KANSL2: variants seen among roughly 807,000 people sequenced by gnomAD.
The protein encoded by KANSL2 is KAT8 regulatory NSL complex subunit 2.
Under a neutral mutation model 55.6 loss-of-function variants are expected in KANSL2, and 34 were observed. That is an observed-to-expected ratio of 0.61 (90% CI 0.46 to 0.81). The LOEUF (loss-of-function observed/expected upper bound fraction) is 0.81. Among genes scored for constraint, KANSL2 ranks in the 40% least tolerant of loss-of-function variants. The probability of loss-of-function intolerance (pLI) is 0.00; values close to 1 mark genes in which losing one functional copy is unlikely to be tolerated. For synonymous variants in KANSL2, 209 were observed against 214.3 expected, an observed-to-expected ratio of 0.98 and a Z score of 0.22; for missense variants, 502 against 609.9, an observed-to-expected ratio of 0.82 and a Z score of 1.86.
intron 6 of KANSL2, among the ~76,000 whole-genome samples, chr12:48,668,582 C>T (rs1939645231): frequency 6.6e-6 from 1 of 152,138 alleles, no homozygotes. Flanking sequence ...GCCTGTAATC[C>T]TAGCTACTCA....
At chr12:48,669,040 T>C in intron 6 of KANSL2, 66 bp downstream of exon 6, 1 of 1,314,244 alleles carries the variant, frequency 7.6e-7, no homozygotes. Context: ...CGAGACTCCG[T>C]CTCGAAAAAA....
rs763282830 is a variant in KANSL2, at chr12:48,654,922, G to A, written c.1347+19C>T. The A allele has an allele frequency of 6.4e-7, 1 of 1,554,794 alleles. No homozygotes were observed. The highest frequency in any genetic ancestry group is 1.4e-5 in the African/African-American group (1 of 73,410). ...AGGTCACTACATGAGGGAAACAGGT[G>A]GGACTGTTCTTCACTTGCCAAAATA... is the stretch of plus-strand genomic sequence containing the variant. On this transcript the variant is annotated intron_variant, in intron 9 of 9. Coordinates refer to ENST00000420613, the MANE Select transcript of KANSL2 (RefSeq NM_017822.4).
intron 8 of KANSL2, chr12:48,656,817 C>T (rs1375682376): frequency 4.2e-6 from 2 of 474,384 alleles, no homozygotes; most frequent in African/African-American, 2.0e-5. Context: ...ATCAAACTAA[C>T]TTTCATGCCA....
intron 7 of KANSL2, among the ~76,000 whole-genome samples, chr12:48,666,857 AGT>A (rs1349604262): frequency 1.3e-5 from 2 of 150,978 alleles, no homozygotes; most frequent in South Asian, 2.1e-4. Flanking sequence ...CCTGGATAAC[AGT>A]GTGAGACCCT....
intron 6 of KANSL2, among the ~76,000 whole-genome samples, chr12:48,668,409 C>G (rs767870756): frequency 2.6e-5 from 4 of 152,202 alleles, no homozygotes; most frequent in Non-Finnish European, 4.4e-5. Context: ...CACTAGAATC[C>G]ATGTCTCCTG....
chr12:48,679,601 A>G, intron 3 of KANSL2, 54 bp downstream of exon 3: 1 of 1,479,492 alleles, frequency 6.8e-7, no homozygotes, highest in Non-Finnish European at 9.3e-7. Context: ...AACCCAAAAT[A>G]GTTCCCCCTT....
chr12:48,671,399 AAAT>A (rs1939710726), intron 5 of KANSL2, among the ~76,000 whole-genome samples: 1 of 152,194 alleles, frequency 6.6e-6, no homozygotes, highest in Non-Finnish European at 1.5e-5. Context: ...CTAAAGTAGT[AAAT>A]AATAATGTGC....
At chr12:48,681,141 AGACT>A in intron 2 of KANSL2, 1 of 289,684 alleles carries the variant, frequency 3.5e-6, no homozygotes. Context: ...AAAAAAAAAA[AGACT>A]AATTTAGAAT....
rs1365365242 is a variant in KANSL2, at chr12:48,682,198, C to CCG, written c.-22_-21insCG. 5.9e-6 allele frequency: 4 copies of CCG among 676,100 alleles called. No individual in the cohort carries two copies. The highest frequency in any genetic ancestry group is 1.1e-5 in the Non-Finnish European group (4 of 371,228). 41.9% of individuals were successfully genotyped at this position (676,100 alleles called of 1,614,324 possible). The stretch of plus-strand genomic sequence containing the variant: ...CACCGCCATCTTACCTCAGGAGCTG[C>CCG]GCTGCGCCGCACTCTGCCGCGCCGC... On this transcript the variant is annotated 5_prime_UTR_variant, in exon 1 of 10. Coordinates refer to ENST00000420613, the MANE Select transcript of KANSL2 (RefSeq NM_017822.4).
At chr12:48,681,046 C>T (rs1565610852) in intron 2 of KANSL2, among the ~76,000 whole-genome samples, 1 of 148,712 alleles carries the variant, frequency 6.7e-6, no homozygotes, top group East Asian at 2.0e-4. Context: ...TCTGGGAGGC[C>T]GAGATGGGAG....
Position 48,682,199 on chromosome 12 carries a change from G to A in KANSL2, c.-22C>T, listed in dbSNP as rs1055656465. On this transcript the variant is annotated 5_prime_UTR_variant, in exon 1 of 10. Transcript: ENST00000420613. ...ACCGCCATCTTACCTCAGGAGCTGCGCTGCGCCGCACTCTGCCGCGCCGCT... is the reference window on the plus strand; with the variant it reads ...ACCGCCATCTTACCTCAGGAGCTGCACTGCGCCGCACTCTGCCGCGCCGCT... 5.9e-6 allele frequency: 4 copies of A among 676,514 alleles called. No individual in the cohort carries two copies. The highest frequency in any genetic ancestry group is 1.1e-5 in the Non-Finnish European group (4 of 371,346). The allele number at this position is 676,514 out of a possible 1,614,324, so 41.9% of individuals were successfully genotyped here.
intron 7 of KANSL2, among the ~76,000 whole-genome samples, chr12:48,663,704 A>G (rs1049117480): frequency 5.9e-5 from 9 of 152,182 alleles, no homozygotes; most frequent in African/African-American, 2.2e-4. Context: ...TATAAGACAT[A>G]TAAACATATA....
intron 2 of KANSL2, 98 bp downstream of exon 2, chr12:48,681,284 G>A (rs1031155542): frequency 5.7e-6 from 8 of 1,402,952 alleles, no homozygotes; most frequent in Non-Finnish European, 7.7e-6. Context: ...AAATTTACAA[G>A]GACAAAATCT....
chr12:48,657,609 TG>T (rs1367812683), intron 8 of KANSL2, among the ~76,000 whole-genome samples: 1 of 151,948 alleles, frequency 6.6e-6, no homozygotes, highest in Non-Finnish European at 1.5e-5. Flanking sequence ...GCAATTTGTG[TG>T]TGTGTGTGTG....
intron 1 of KANSL2, chr12:48,681,847 C>T (rs1352075700): frequency 4.2e-6 from 3 of 707,428 alleles, no homozygotes; most frequent in Non-Finnish European, 7.7e-6. Flanking sequence ...CGGCCCCACC[C>T]CGAACCACAC....
intron 4 of KANSL2, among the ~76,000 whole-genome samples, chr12:48,676,735 AT>A (rs1196056064): frequency 3.3e-5 from 5 of 152,204 alleles, no homozygotes; most frequent in African/African-American, 1.2e-4. Context: ...TAACAAAACA[AT>A]TAAGTAAGTG....
intron 7 of KANSL2, among the ~76,000 whole-genome samples, chr12:48,663,310 A>G (rs1261054865): frequency 6.6e-6 from 1 of 152,230 alleles, no homozygotes; most frequent in Non-Finnish European, 1.5e-5. Flanking sequence ...CCCACTGGCA[A>G]TATTTAGAAG....
rs1294487224 is a variant in KANSL2, at chr12:48,669,675, G to A, written c.710-403C>T. On this transcript the variant is annotated intron_variant, in intron 5 of 9. Transcript: ENST00000420613. The stretch of plus-strand genomic sequence containing the variant: ...TGGGACTACAGGTGCCCGCCACCAC[G>A]CCCGGCTAATTTTTTTTTTGTATTT... Among the ~76,000 whole-genome samples the A allele has an allele frequency of 1.1e-4, 17 of 151,906 alleles. No individual in the cohort carries two copies. The East Asian group carries it at 3.3e-3, about 30-fold the overall frequency.
intron 8 of KANSL2, among the ~76,000 whole-genome samples, chr12:48,658,291 A>G (rs1319838598): frequency 6.6e-6 from 1 of 152,128 alleles, no homozygotes; most frequent in Admixed American, 6.6e-5. Flanking sequence ...CTAAATCTCA[A>G]GATAATAATG....
Sources: allele counts gnomAD v4.1 joint callset (sites outside exome capture counted in the v4.1 genomes callset), GRCh38; gene constraint gnomAD v4.1.1; transcripts MANE v1.5; gene names NCBI Gene and HGNC (gene_info 2026-07-23, HGNC 2026-07-21).